Variants in PARD3 observed in about 807,000 individuals in gnomAD.
PARD3 encodes the protein par-3 family cell polarity regulator, also known as partitioning defective 3 homolog.
In PARD3, 75 loss-of-function variants were observed where a neutral mutation model predicts 155.4. The ratio of observed to expected loss-of-function variants is 0.48; its 90% CI spans 0.40 to 0.58. The LOEUF (loss-of-function observed/expected upper bound fraction) is 0.58. PARD3 is among the 20% of genes least tolerant of loss of function. The probability of loss-of-function intolerance (pLI) is 0.00; values close to 1 mark genes in which losing one functional copy is unlikely to be tolerated. For synonymous variants in PARD3, 576 were observed against 610.5 expected (o/e 0.94, Z 0.83); for missense variants, 1,642 against 1,721.7 (o/e 0.95, Z 0.82).
At chr10:34,579,552 C>CTGTGTGTGTGTGTG (rs1316450167) in intron 2 of PARD3, among the ~76,000 whole-genome samples, 20 of 62,504 alleles carry the variant, frequency 3.2e-4, no homozygotes, top group African/African-American at 1.0e-3. Context: ...CTACCATTTT[C>CTGTGTGTGTGTGTG]TCTGTGTGTG....
intron 3 of PARD3, among the ~76,000 whole-genome samples, chr10:34,481,081 T>C (rs1216514062): frequency 6.6e-6 from 1 of 152,152 alleles, no homozygotes; most frequent in African/African-American, 2.4e-5. Flanking sequence ...GGGTTACAGG[T>C]GTGAGCCACC....
At chr10:34,270,333 G>C (rs1046001711) in intron 21 of PARD3, among the ~76,000 whole-genome samples, 6 of 151,872 alleles carry the variant, frequency 4.0e-5, no homozygotes, top group African/African-American at 1.5e-4. Context: ...AGTAGAGATG[G>C]GGTTTCACCA....
intron 2 of PARD3, among the ~76,000 whole-genome samples, chr10:34,563,715 G>A (rs180940411): frequency 6.6e-6 from 1 of 152,210 alleles, no homozygotes; most frequent in East Asian, 1.9e-4. Flanking sequence ...ATTTTTAGTA[G>A]AGATGAGGTT....
At chr10:34,205,367 C>CTCT (rs1282118513) in intron 22 of PARD3, among the ~76,000 whole-genome samples, 1 of 152,076 alleles carries the variant, frequency 6.6e-6, no homozygotes, top group African/African-American at 2.4e-5. Flanking sequence ...TCTTAGCATG[C>CTCT]TAGATAGGCC....
At chr10:34,367,173 C>T (rs1041683696) in intron 12 of PARD3, among the ~76,000 whole-genome samples, 5 of 152,042 alleles carry the variant, frequency 3.3e-5, no homozygotes, top group Admixed American at 3.3e-4. Context: ...TAAAAATTTG[C>T]CTGGAGTAAT....
chr10:34,284,283 C>T, intron 20 of PARD3, 38 bp from the exon 21 acceptor site: 1 of 1,179,498 alleles, frequency 8.5e-7, no homozygotes, highest in Non-Finnish European at 1.3e-6. Context: ...TCAATATATA[C>T]AAAATGAGCT....
intron 2 of PARD3, among the ~76,000 whole-genome samples, chr10:34,607,545 T>C (rs2090564341): frequency 6.6e-6 from 1 of 152,216 alleles, no homozygotes; most frequent in Admixed American, 6.5e-5. Flanking sequence ...TTCTAATAAT[T>C]ACACAAATTC....
At chr10:34,166,031 A>G (rs1949513164) in intron 22 of PARD3, among the ~76,000 whole-genome samples, 1 of 152,210 alleles carries the variant, frequency 6.6e-6, no homozygotes, top group Non-Finnish European at 1.5e-5. Flanking sequence ...TTTTAAAATC[A>G]GTCACTTGTT....
At chr10:34,207,382 A>C (rs1951530512) in intron 22 of PARD3, among the ~76,000 whole-genome samples, 1 of 152,142 alleles carries the variant, frequency 6.6e-6, no homozygotes, top group African/African-American at 2.4e-5. Flanking sequence ...GATTTCCTAC[A>C]TCTCTCAGCA....
chr10:34,239,658 C>T (rs887357661), intron 22 of PARD3, among the ~76,000 whole-genome samples: 2 of 151,918 alleles, frequency 1.3e-5, no homozygotes, highest in African/African-American at 4.8e-5. Context: ...AAAAAAGTAG[C>T]CGGGCATGGT....
intron 2 of PARD3, among the ~76,000 whole-genome samples, chr10:34,576,871 G>A (rs1408379): frequency 0.53 from 80,128 of 152,066 alleles, 24,493 homozygotes; most frequent in African/African-American, 0.86. Context: ...AAGGAAATCT[G>A]GTTTTCAACA....
intron 15 of PARD3, chr10:34,344,496 G>A: frequency 1.5e-6 from 1 of 689,618 alleles, no homozygotes; most frequent in African/African-American, 1.9e-5. Flanking sequence ...TGGCCAGGCT[G>A]GTCTTAAACT....
intron 2 of PARD3, among the ~76,000 whole-genome samples, chr10:34,522,766 G>A (rs923059613): frequency 5.9e-5 from 9 of 152,156 alleles, no homozygotes; most frequent in African/African-American, 2.2e-4. Flanking sequence ...GGGCCCCACA[G>A]AAACACAAAG....
intron 2 of PARD3, among the ~76,000 whole-genome samples, chr10:34,576,710 C>G (rs927343589): frequency 6.6e-5 from 10 of 152,084 alleles, no homozygotes; most frequent in Admixed American, 2.6e-4. Context: ...GAAACAGTCT[C>G]CAACCCAAAG....
At chr10:34,485,195 G>A (rs112277922) in intron 3 of PARD3, among the ~76,000 whole-genome samples, 18 of 152,188 alleles carry the variant, frequency 1.2e-4, no homozygotes, top group African/African-American at 2.9e-4. Context: ...AAAATTAGCC[G>A]GGCGTGGTGG....
chr10:34,367,487 C>T (rs1042137591), intron 12 of PARD3, among the ~76,000 whole-genome samples: 1 of 152,104 alleles, frequency 6.6e-6, no homozygotes, highest in Admixed American at 6.6e-5. Context: ...GGGCAGATCA[C>T]GAGGTCAAGA....
intron 2 of PARD3, among the ~76,000 whole-genome samples, chr10:34,580,605 C>T (rs912647240): frequency 6.6e-6 from 1 of 152,182 alleles, no homozygotes; most frequent in Non-Finnish European, 1.5e-5. Context: ...TTACAGAAAA[C>T]TGTAAGTTAT....
At chr10:34,606,885 T>C (rs2090503836) in intron 2 of PARD3, among the ~76,000 whole-genome samples, 1 of 149,572 alleles carries the variant, frequency 6.7e-6, no homozygotes, top group Non-Finnish European at 1.5e-5. Context: ...GAGAATCGCT[T>C]GAACCCAGGA....
intron 3 of PARD3, among the ~76,000 whole-genome samples, chr10:34,471,022 T>C (rs1316852990): frequency 1.3e-5 from 2 of 152,208 alleles, no homozygotes; most frequent in Non-Finnish European, 1.5e-5. Flanking sequence ...TTTAAAAATC[T>C]ATAGAATCTA....
Sources: gnomAD v4.1 joint callset for allele counts (sites outside exome capture counted in the v4.1 genomes callset) on GRCh38, gnomAD v4.1.1 for gene constraint, MANE v1.5 for transcripts, NCBI Gene and HGNC (gene_info 2026-07-23, HGNC 2026-07-21) for gene names.